The following BTRC variants were observed in gnomAD, a reference collection of about 807,000 sequenced individuals.
The protein encoded by BTRC is F-box/WD repeat-containing protein 1A.
A neutral mutation model predicts 85.5 loss-of-function variants in BTRC; 42 were observed. The ratio of observed to expected loss-of-function variants is 0.49; its 90% CI spans 0.38 to 0.64. The LOEUF (loss-of-function observed/expected upper bound fraction) is 0.64, where lower values mean the gene tolerates loss of function less well. BTRC is among the 30% of genes least tolerant of loss of function. BTRC has a pLI of 0.00. For synonymous variants in BTRC, 255 were observed against 263.3 expected, an observed-to-expected ratio of 0.97 and a Z score of 0.30; for missense variants, 594 against 743.5, an observed-to-expected ratio of 0.80 and a Z score of 2.34.
chr10:101,481,708 G>A (rs1327440680), intron 4 of BTRC, among the ~76,000 whole-genome samples: 1 of 152,168 alleles, frequency 6.6e-6, no homozygotes, highest in Admixed American at 6.5e-5. Context: ...CTGCTCATCA[G>A]TGTGTTTCAC....
At position 101,553,795 on chromosome 10, in the gene BTRC, C is replaced by T. The variant is rs1467452056; in HGVS notation, c.*672C>T. ...CCTCTTCCCATCTACTCCCCTACGC[C>T]CCTTCAACCTTTTTTCTCTGTCTGC... On this transcript the variant is annotated 3_prime_UTR_variant, in exon 15 of 15. Coordinates refer to ENST00000370187, the MANE Select transcript of BTRC (RefSeq NM_033637.4). 1.3e-5 allele frequency: 2 copies of T among 152,732 alleles called. No homozygotes were observed. Among genetic ancestry groups the T allele is most frequent in the African/African-American group, 4.8e-5 (2 of 41,446 alleles). The allele number at this position is 152,732 out of a possible 1,614,324, so 9.5% of individuals were successfully genotyped here.
intron 1 of BTRC, among the ~76,000 whole-genome samples, chr10:101,360,785 C>G (rs887256733): frequency 2.6e-5 from 4 of 152,160 alleles, no homozygotes; most frequent in Non-Finnish European, 5.9e-5. Flanking sequence ...GTGCGTGCCA[C>G]CACTCGCAGC....
At chr10:101,491,807 T>A (rs1234587129) in intron 4 of BTRC, among the ~76,000 whole-genome samples, 1 of 152,194 alleles carries the variant, frequency 6.6e-6, no homozygotes. Flanking sequence ...GAAGACATGA[T>A]GAGGTCATGA....
In BTRC at chr10:101,386,650, A is replaced by G. The variant is rs540267140; in HGVS notation, c.48+32422A>G. ...TTTAAAAATGAGCACATGAAGAACC[A>G]AGGACTTGTTTGACTTGCCAGTGTC... On this transcript the variant is annotated intron_variant, in intron 1 of 14. Transcript: ENST00000370187. Among the ~76,000 whole-genome samples the G allele has an allele frequency of 2.0e-5, 3 of 152,308 alleles. No homozygotes were observed. In the South Asian group the frequency reaches 6.2e-4, roughly 32 times the overall value.
chr10:101,500,292 A>G (rs765473927), intron 4 of BTRC, among the ~76,000 whole-genome samples: 4 of 152,162 alleles, frequency 2.6e-5, no homozygotes, highest in Non-Finnish European at 5.9e-5. Context: ...GTACGCAATC[A>G]TAACATGATG....
In BTRC at chr10:101,535,426, T is replaced by A; in HGVS notation, c.1420T>A (p.Tyr474Asn). Residue 474 changes from tyrosine (Y) to asparagine (N), a missense_variant, in exon 11 of 15, where the codon TAC (tyrosine) becomes AAC (asparagine). Transcript: ENST00000370187. ...CAAACGAGGCATTGCCTGTTTGCAGTACAGGGACAGGCTGGTAGTGAGTGG... is the reference window on the plus strand; with the variant it reads ...CAAACGAGGCATTGCCTGTTTGCAGAACAGGGACAGGCTGGTAGTGAGTGG... Reference protein sequence around the residue: ...GHKRGIACLQYRDRLVVSGSS... With the variant: ...GHKRGIACLQNRDRLVVSGSS... The A allele has an allele frequency of 6.2e-7, 1 of 1,614,154 alleles. No homozygotes were observed. Among genetic ancestry groups the A allele is most frequent in the East Asian group, 2.2e-5 (1 of 44,882 alleles).
chr10:101,428,847 T>C (rs929622320), intron 1 of BTRC, among the ~76,000 whole-genome samples: 2 of 152,194 alleles, frequency 1.3e-5, no homozygotes, highest in Non-Finnish European at 2.9e-5. Context: ...TTTATTTAGA[T>C]AAGAGACGGG....
intron 13 of BTRC, among the ~76,000 whole-genome samples, chr10:101,541,369 C>T (rs1173921217): frequency 6.6e-6 from 1 of 152,204 alleles, no homozygotes; most frequent in Admixed American, 6.5e-5. Flanking sequence ...ACGCCATTCT[C>T]CTGCCTCAGC....
chr10:101,384,622 A>G (rs1200345084), intron 1 of BTRC, among the ~76,000 whole-genome samples: 1 of 152,208 alleles, frequency 6.6e-6, no homozygotes, highest in Non-Finnish European at 1.5e-5. Flanking sequence ...AGCTTTTTTC[A>G]AAGGCTCAGG....
intron 1 of BTRC, among the ~76,000 whole-genome samples, chr10:101,422,029 TC>T (rs1944115772): frequency 6.6e-6 from 1 of 152,168 alleles, no homozygotes; most frequent in South Asian, 2.1e-4. Context: ...TAGTTCTAGA[TC>T]CCTGAGGAAT....
chr10:101,414,705 T>A (rs758838237), intron 1 of BTRC: 2 of 513,388 alleles, frequency 3.9e-6, no homozygotes, highest in Non-Finnish European at 7.8e-6. Context: ...ATATTGATGA[T>A]CCTTGCTCTC....
intron 1 of BTRC, among the ~76,000 whole-genome samples, chr10:101,427,113 CTTTTTTTTTTTTT>C (rs138285266): frequency 9.1e-6 from 1 of 109,364 alleles, no homozygotes; most frequent in African/African-American, 3.5e-5. Flanking sequence ...TTTTTTCTTT[CTTTTTTTTTTTTT>C]TTTTTTTTTT....
intron 1 of BTRC, among the ~76,000 whole-genome samples, chr10:101,386,316 C>T (rs1236143176): frequency 6.6e-6 from 1 of 152,186 alleles, no homozygotes; most frequent in African/African-American, 2.4e-5. Context: ...GTGGAATAAA[C>T]TCTGTTCTGT....
intron 1 of BTRC, among the ~76,000 whole-genome samples, chr10:101,412,773 A>G (rs538042966): frequency 4.6e-5 from 7 of 152,340 alleles, no homozygotes; most frequent in African/African-American, 1.7e-4. Context: ...GACTATGTGA[A>G]AAACAGATAC....
chr10:101,385,303 C>G (rs12784425), intron 1 of BTRC, among the ~76,000 whole-genome samples: 1 of 146,356 alleles, frequency 6.8e-6, no homozygotes. Context: ...GGAGGTGGAG[C>G]TTGCAGTGAG....
At chr10:101,497,133 C>T (rs1055747743) in intron 4 of BTRC, among the ~76,000 whole-genome samples, 1 of 151,978 alleles carries the variant, frequency 6.6e-6, no homozygotes, top group Non-Finnish European at 1.5e-5. Context: ...AGTGTGATAC[C>T]CAGTTGACCT....
At chr10:101,417,240 C>A (rs1265204962) in intron 1 of BTRC, among the ~76,000 whole-genome samples, 14 of 152,182 alleles carry the variant, frequency 9.2e-5, no homozygotes, top group Admixed American at 9.2e-4. Flanking sequence ...GAATAAATAT[C>A]TAGTTCAGGA....
intron 2 of BTRC, among the ~76,000 whole-genome samples, chr10:101,440,964 G>A (rs182544183): frequency 6.6e-6 from 1 of 152,264 alleles, no homozygotes; most frequent in Admixed American, 6.5e-5. Context: ...CAAAAGGAGG[G>A]ATATTAAGAA....
At chr10:101,382,620 A>T (rs1942964840) in intron 1 of BTRC, among the ~76,000 whole-genome samples, 1 of 152,088 alleles carries the variant, frequency 6.6e-6, no homozygotes, top group Non-Finnish European at 1.5e-5. Flanking sequence ...GGTTGTATTC[A>T]CTAGATTTCT....
Sources: gnomAD v4.1 joint callset for allele counts (sites outside exome capture counted in the v4.1 genomes callset) on GRCh38, gnomAD v4.1.1 for gene constraint, MANE v1.5 for transcripts, NCBI Gene and HGNC (gene_info 2026-07-23, HGNC 2026-07-21) for gene names.